The following ETV2 variants were observed in gnomAD, a reference collection of about 807,000 sequenced individuals.
ETV2 encodes ETS translocation variant 2.
ETV2 carries 34 observed loss-of-function variants against 35.7 expected under a neutral mutation model. That is an observed-to-expected ratio of 0.95 (90% CI 0.72 to 1.27). The LOEUF (loss-of-function observed/expected upper bound fraction) is 1.27. Ranked by LOEUF, ETV2 falls within the 50% of genes most tolerant of loss-of-function variation. The pLI is 0.00. For missense variants in ETV2, 512 were observed against 470.5 expected (o/e 1.09, Z -0.82); for synonymous variants, 207 against 203.9 (o/e 1.02, Z -0.13).
chr19:35,642,974 C>A lies in ETV2; in HGVS notation c.164C>A (p.Ser55Ter). Reference sequence around the variant, plus strand: ...TCCTCCCTAAACTCAGGTACAAGCTCATCCCTGGCAAGCTTCCCACAGCTG... The same window carrying A: ...TCCTCCCTAAACTCAGGTACAAGCTAATCCCTGGCAAGCTTCCCACAGCTG... ...TAETCWKGTS[S>*]SLASFPQLDW... Residue 55 changes from serine to a stop codon, truncating the protein, a stop_gained, in exon 4 of 7, where the codon TCA becomes TAA. Coordinates refer to ENST00000402764, the MANE Select transcript of ETV2 (RefSeq NM_014209.4). LOFTEE classifies it high-confidence loss of function. The surrounding 1 kb of genome is among the most constrained non-coding windows in gnomAD (Gnocchi z 4.4). 6.4e-7 allele frequency: 1 copy of A among 1,568,708 alleles called. No individual in the cohort carries two copies. Among genetic ancestry groups the A allele is most frequent in the East Asian group, 2.3e-5 (1 of 43,074 alleles).
chr19:35,642,393 C>A lies in ETV2; in HGVS notation c.-27-41C>A. 4.5e-6 allele frequency: 5 copies of A among 1,122,236 alleles called. No homozygotes were observed. Among genetic ancestry groups the A allele is most frequent in the South Asian group, 3.0e-5 (2 of 67,692 alleles). The allele number at this position is 1,122,236 out of a possible 1,614,324, so 69.5% of individuals were successfully genotyped here. ...CCCAGACTCCAGGGCCTCCAAGTGT[C>A]ACCAGCTCACCCATTGCCATCTGGA... On this transcript the variant is annotated intron_variant, in intron 1 of 6. Coordinates refer to ENST00000402764, the MANE Select transcript of ETV2 (RefSeq NM_014209.4). The surrounding 1 kb of genome is among the most constrained non-coding windows in gnomAD (Gnocchi z 4.4).
At position 35,643,319 on chromosome 19, in the gene ETV2, T is replaced by A; in HGVS notation, c.281T>A (p.Met94Lys). Residue 94 changes from methionine to lysine, a missense_variant, in exon 5 of 7, where the codon ATG becomes AAG. Transcript: ENST00000402764. This position sits in a 1 kb window ranked among gnomAD's most constrained non-coding sequence, Gnocchi z 5.0. The stretch of plus-strand genomic sequence containing the variant: ...CCGTGGTCCGGGGACTGGACAGACA[T>A]GGCGTGCACAGCCTGGGACTCTTGG... The part of the protein sequence containing the change: ...ALPWSGDWTD[M>K]ACTAWDSWSG... 6.2e-7 allele frequency: 1 copy of A among 1,602,138 alleles called. No homozygotes were observed. The highest frequency in any genetic ancestry group is 1.3e-5 in the African/African-American group (1 of 74,874).
chr19:35,643,876 C>A lies in ETV2; in HGVS notation c.715+123C>A. On this transcript the variant is annotated intron_variant, in intron 5 of 6. Transcript: ENST00000402764. This position sits in a 1 kb window ranked among gnomAD's most constrained non-coding sequence, Gnocchi z 5.0. ...GGGGCGGGGGCTTAGGGACCAGGGG[C>A]TCGAAGGAGGGGCCGGTGGCCCGCA... The A allele has an allele frequency of 7.1e-7, 1 of 1,412,904 alleles. No individual in the cohort carries two copies. The highest frequency in any genetic ancestry group is 9.6e-7 in the Non-Finnish European group (1 of 1,036,594). The allele number at this position is 1,412,904 out of a possible 1,614,324, so 87.5% of individuals were successfully genotyped here.
In ETV2 at chr19:35,644,801, C is replaced by G; in HGVS notation, c.978C>G (p.Ser326Arg). ...YTYRFGGRVP[S>R]LAYPDCAGGG... ...ACCGCTTCGGGGGCCGCGTGCCCAG[C>G]CTAGCCTATCCGGACTGTGCGGGAG... Residue 326 changes from serine (S) to arginine (R), a missense_variant, in exon 7 of 7, where the codon AGC becomes AGG. Ser to Arg is a moderately radical substitution (Grantham distance 110, BLOSUM62 -1). Coordinates refer to ENST00000402764, the MANE Select transcript of ETV2 (RefSeq NM_014209.4). This position sits in a 1 kb window ranked among gnomAD's most constrained non-coding sequence, Gnocchi z 4.7. 1 of 1,611,740 alleles carries G rather than the reference C, an allele frequency of 6.2e-7. No homozygotes were observed. The highest frequency in any genetic ancestry group is 8.5e-7 in the Non-Finnish European group (1 of 1,179,092).
Position 35,644,736 on chromosome 19 carries a change from C to T in ETV2, c.913C>T (p.Arg305Cys). 1 of 1,608,832 alleles carries T rather than the reference C, an allele frequency of 6.2e-7. No individual in the cohort carries two copies. The change falls in exon 7 of 7, where the codon CGC (arginine) becomes TGC (cysteine). Residue 305 changes from arginine to cysteine, a missense_variant. Arg to Cys is a radical substitution (Grantham distance 180). Coordinates refer to ENST00000402764, the MANE Select transcript of ETV2 (RefSeq NM_014209.4). The surrounding 1 kb of genome is among the most constrained non-coding windows in gnomAD (Gnocchi z 4.7). ...CCGGGGCCTTCGCTACTACTATCGC[C>T]GCGACATCGTGCGCAAGAGCGGGGG... Reference protein sequence around the residue: ...LSRGLRYYYRRDIVRKSGGRK... With the variant: ...LSRGLRYYYRCDIVRKSGGRK...
Position 35,642,575 on chromosome 19 carries a change from G to GGTGGGGCCTCTGCTGACCCTAACCC in ETV2, c.71-39_71-15dup, listed in dbSNP as rs1243483809. On this transcript the variant is annotated intron_variant, in intron 2 of 6. Transcript: ENST00000402764. The surrounding 1 kb of genome is among the most constrained non-coding windows in gnomAD (Gnocchi z 4.4). The stretch of plus-strand genomic sequence containing the variant: ...ACAACGTGTGTGGGGAGGGTGTCCA[G>GGTGGGGCCTCTGCTGACCCTAACCC]GTGGGGCCTCTGCTGACCCTAACCC... 1 of 1,613,424 alleles carries GGTGGGGCCTCTGCTGACCCTAACCC rather than the reference G, an allele frequency of 6.2e-7. No homozygotes were observed. Among genetic ancestry groups the GGTGGGGCCTCTGCTGACCCTAACCC allele is most frequent in the Admixed American group, 1.7e-5 (1 of 59,872 alleles).
In ETV2 at chr19:35,643,848, G is replaced by A; in HGVS notation, c.715+95G>A. ...GGGCGGGGCCCGGGAGACTGACAGTGAGGGGGCGGGGGCTTAGGGACCAGG... is the reference window on the plus strand; with the variant it reads ...GGGCGGGGCCCGGGAGACTGACAGTAAGGGGGCGGGGGCTTAGGGACCAGG... On this transcript the variant is annotated intron_variant, in intron 5 of 6. Transcript: ENST00000402764. This position sits in a 1 kb window ranked among gnomAD's most constrained non-coding sequence, Gnocchi z 5.0. The A allele has an allele frequency of 6.5e-7, 1 of 1,550,056 alleles. No individual in the cohort carries two copies. Among genetic ancestry groups the A allele is most frequent in the Non-Finnish European group, 8.7e-7 (1 of 1,145,370 alleles).
chr19:35,642,426 C>T lies in ETV2; in HGVS notation c.-27-8C>T, dbSNP rs1328603543. On this transcript the variant is annotated splice_region_variant and splice_polypyrimidine_tract_variant and intron_variant, in intron 1 of 6. Coordinates refer to ENST00000402764, the MANE Select transcript of ETV2 (RefSeq NM_014209.4). The surrounding 1 kb of genome is among the most constrained non-coding windows in gnomAD (Gnocchi z 4.4). Reference sequence around the variant, plus strand: ...CACCCATTGCCATCTGGACTTTTCCCGACCCAGAACATTCAGAAGGCCTTC... The same window carrying T: ...CACCCATTGCCATCTGGACTTTTCCTGACCCAGAACATTCAGAAGGCCTTC... The T allele has an allele frequency of 6.8e-7, 1 of 1,468,938 alleles. No homozygotes were observed. The highest frequency in any genetic ancestry group is 9.3e-7 in the Non-Finnish European group (1 of 1,078,236). 91.0% of individuals were successfully genotyped at this position (1,468,938 alleles called of 1,614,324 possible).
chr19:35,644,605 C>T lies in ETV2; in HGVS notation c.829-47C>T. 1 of 1,548,108 alleles carries T rather than the reference C, an allele frequency of 6.5e-7. No homozygotes were observed. Among genetic ancestry groups the T allele is most frequent in the Non-Finnish European group, 8.7e-7 (1 of 1,144,522 alleles). Reference sequence around the variant, plus strand: ...CCAGGCCCGGCCCTCCCCACTATCGCCAAGCCCCGCCCCTTCCCACTCCGA... The same window carrying T: ...CCAGGCCCGGCCCTCCCCACTATCGTCAAGCCCCGCCCCTTCCCACTCCGA... On this transcript the variant is annotated intron_variant, in intron 6 of 6. Transcript: ENST00000402764. This position sits in a 1 kb window ranked among gnomAD's most constrained non-coding sequence, Gnocchi z 4.7.
Position 35,643,775 on chromosome 19 carries a change from C to A in ETV2, c.715+22C>A. ...CGAGGTGAGAGGGCCGCAAAGACTG[C>A]GGGGAGGGCGAAGCTGGAGTCCTGA... On this transcript the variant is annotated intron_variant, in intron 5 of 6. Coordinates refer to ENST00000402764, the MANE Select transcript of ETV2 (RefSeq NM_014209.4). This position sits in a 1 kb window ranked among gnomAD's most constrained non-coding sequence, Gnocchi z 5.0. 4 of 1,612,310 alleles carry A rather than the reference C, an allele frequency of 2.5e-6. No homozygotes were observed. The South Asian group carries it at 3.3e-5, about 13-fold the overall frequency.
chr19:35,642,941 G>GC lies in ETV2; in HGVS notation c.155-23dup. 1 of 1,461,344 alleles carries GC rather than the reference G, an allele frequency of 6.8e-7. No homozygotes were observed. Among genetic ancestry groups the GC allele is most frequent in the Non-Finnish European group, 9.4e-7 (1 of 1,061,928 alleles). 90.5% of individuals were successfully genotyped at this position (1,461,344 alleles called of 1,614,324 possible). On this transcript the variant is annotated intron_variant, in intron 3 of 6. Transcript: ENST00000402764. This position sits in a 1 kb window ranked among gnomAD's most constrained non-coding sequence, Gnocchi z 4.4. ...GGGTAGTTGAGGGGTCTCTTTCATTGCTCACAGTCCTCCCTAAACTCAGGT... is the reference window on the plus strand; with the variant it reads ...GGGTAGTTGAGGGGTCTCTTTCATTGCCTCACAGTCCTCCCTAAACTCAGGT...
chr19:35,642,913 A>C lies in ETV2; in HGVS notation c.155-52A>C. 8.9e-7 allele frequency: 1 copy of C among 1,120,300 alleles called. No homozygotes were observed. The highest frequency in any genetic ancestry group is 1.5e-5 in the African/African-American group (1 of 64,532). 69.4% of individuals were successfully genotyped at this position (1,120,300 alleles called of 1,614,324 possible). On this transcript the variant is annotated intron_variant, in intron 3 of 6. Transcript: ENST00000402764. This position sits in a 1 kb window ranked among gnomAD's most constrained non-coding sequence, Gnocchi z 4.4. ...AGTCCCTGACAAGTAGAGACTAGAG[A>C]GTGGGTAGTTGAGGGGTCTCTTTCA...
chr19:35,642,650 G>A lies in ETV2; in HGVS notation c.106G>A (p.Ala36Thr). The A allele has an allele frequency of 6.2e-7, 1 of 1,606,830 alleles. No individual in the cohort carries two copies. The highest frequency in any genetic ancestry group is 8.5e-7 in the Non-Finnish European group (1 of 1,176,804). ...ATTAGGCTTCTGTTTCCCTGATCTG[G>A]CACTCCAAGGGGACACGCCGACAGC... ...AKLGFCFPDL[A>T]LQGDTPTATA... Residue 36 changes from alanine (A) to threonine (T), a missense_variant, in exon 3 of 7, where the codon GCA becomes ACA. Ala to Thr is a moderately conservative substitution (Grantham distance 58, BLOSUM62 0). Coordinates refer to ENST00000402764, the MANE Select transcript of ETV2 (RefSeq NM_014209.4). This position sits in a 1 kb window ranked among gnomAD's most constrained non-coding sequence, Gnocchi z 4.4.
chr19:35,643,257 T>C lies in ETV2; in HGVS notation c.236-17T>C, dbSNP rs376677770. 19 of 1,583,844 alleles carry C rather than the reference T, an allele frequency of 1.2e-5. No individual in the cohort carries two copies. The African/African-American group carries it at 2.4e-4, about 20-fold the overall frequency. On this transcript the variant is annotated splice_polypyrimidine_tract_variant and intron_variant, in intron 4 of 6. Coordinates refer to ENST00000402764, the MANE Select transcript of ETV2 (RefSeq NM_014209.4). The surrounding 1 kb of genome is among the most constrained non-coding windows in gnomAD (Gnocchi z 5.0). ...GCACCTGGGCTCCCCTCACTCGGGA[T>C]CCGTTACTCCTCACAGAGCCCGACT... is the stretch of plus-strand genomic sequence containing the variant.
Position 35,642,769 on chromosome 19 carries a change from G to A in ETV2, c.154+71G>A. On this transcript the variant is annotated intron_variant, in intron 3 of 6. Coordinates refer to ENST00000402764, the MANE Select transcript of ETV2 (RefSeq NM_014209.4). This position sits in a 1 kb window ranked among gnomAD's most constrained non-coding sequence, Gnocchi z 4.4. The stretch of plus-strand genomic sequence containing the variant: ...GGCTGGGATCCTAGGGCAAAGGGAG[G>A]AGGGGGGCGTGCCTAGGTTCCTGGG... The A allele has an allele frequency of 7.8e-7, 1 of 1,286,190 alleles. No individual in the cohort carries two copies. The highest frequency in any genetic ancestry group is 2.5e-5 in the East Asian group (1 of 39,738). The allele number at this position is 1,286,190 out of a possible 1,614,324, so 79.7% of individuals were successfully genotyped here.
chr19:35,643,063 C>T lies in ETV2; in HGVS notation c.235+18C>T, dbSNP rs572035620. The T allele has an allele frequency of 3.2e-6, 4 of 1,259,656 alleles. No homozygotes were observed. The African/African-American group carries it at 6.2e-5, about 19-fold the overall frequency. 78.0% of individuals were successfully genotyped at this position (1,259,656 alleles called of 1,614,324 possible). A position where few individuals can be genotyped will look rare whatever the true frequency, so the allele number is the denominator to read the frequency against. On this transcript the variant is annotated intron_variant, in intron 4 of 6. Transcript: ENST00000402764. This position sits in a 1 kb window ranked among gnomAD's most constrained non-coding sequence, Gnocchi z 5.0. Reference sequence around the variant, plus strand: ...GGGGGCGGGTGAGTGTGGGGAGAGGCGGTGGGAGGTGGGGACTGGGGTCCC... The same window carrying T: ...GGGGGCGGGTGAGTGTGGGGAGAGGTGGTGGGAGGTGGGGACTGGGGTCCC...
Position 35,642,727 on chromosome 19 carries a change from T to C in ETV2, c.154+29T>C. The C allele has an allele frequency of 1.3e-6, 2 of 1,522,364 alleles. No homozygotes were observed. Among genetic ancestry groups the C allele is most frequent in the Non-Finnish European group, 1.8e-6 (2 of 1,119,824 alleles). 94.3% of individuals were successfully genotyped at this position (1,522,364 alleles called of 1,614,324 possible). On this transcript the variant is annotated intron_variant, in intron 3 of 6. Coordinates refer to ENST00000402764, the MANE Select transcript of ETV2 (RefSeq NM_014209.4). This position sits in a 1 kb window ranked among gnomAD's most constrained non-coding sequence, Gnocchi z 4.4. ...GCTGCGGGCTGGGACCCCTAAGTGC[T>C]GGAGAAGAAGCGGGGAGGCTGGGAT...
Position 35,644,546 on chromosome 19 carries a change from G to A in ETV2, c.829-106G>A. On this transcript the variant is annotated intron_variant, in intron 6 of 6. Coordinates refer to ENST00000402764, the MANE Select transcript of ETV2 (RefSeq NM_014209.4). This position sits in a 1 kb window ranked among gnomAD's most constrained non-coding sequence, Gnocchi z 4.7. Reference sequence around the variant, plus strand: ...CAACCCAGTCTCCACCGGGCTCTGCGAGGCCTCGCCCAGGTCTGCACTGCA... The same window carrying A: ...CAACCCAGTCTCCACCGGGCTCTGCAAGGCCTCGCCCAGGTCTGCACTGCA... 1 of 1,145,046 alleles carries A rather than the reference G, an allele frequency of 8.7e-7. No individual in the cohort carries two copies. The allele number at this position is 1,145,046 out of a possible 1,614,324, so 70.9% of individuals were successfully genotyped here.
In ETV2 at chr19:35,644,561, T is replaced by C; in HGVS notation, c.829-91T>C. The C allele has an allele frequency of 7.7e-7, 1 of 1,297,652 alleles. No individual in the cohort carries two copies. Among genetic ancestry groups the C allele is most frequent in the Non-Finnish European group, 1.1e-6 (1 of 944,904 alleles). 80.4% of individuals were successfully genotyped at this position (1,297,652 alleles called of 1,614,324 possible). A position where few individuals can be genotyped will look rare whatever the true frequency, so the allele number is the denominator to read the frequency against. The stretch of plus-strand genomic sequence containing the variant: ...CGGGCTCTGCGAGGCCTCGCCCAGG[T>C]CTGCACTGCACACCGCCCCCAGGCC... On this transcript the variant is annotated intron_variant, in intron 6 of 6. Coordinates refer to ENST00000402764, the MANE Select transcript of ETV2 (RefSeq NM_014209.4). This position sits in a 1 kb window ranked among gnomAD's most constrained non-coding sequence, Gnocchi z 4.7.
Sources: gnomAD v4.1 joint callset for allele counts on GRCh38, gnomAD v4.1.1 for gene constraint, Gnocchi (gnomAD v3.1) non-coding constraint, MANE v1.5 for transcripts, NCBI Gene and HGNC (gene_info 2026-07-23, HGNC 2026-07-21) for gene names.